Variants in CAMK1D observed in about 807,000 individuals in gnomAD.
CAMK1D encodes calcium/calmodulin-dependent protein kinase type 1D.
CAMK1D carries 9 observed loss-of-function variants against 47.7 expected under a neutral mutation model. The observed-to-expected ratio is 0.19, with a 90% CI of 0.11 to 0.33. CAMK1D has a LOEUF of 0.33. Ranked by LOEUF, CAMK1D falls within the 10% of genes least tolerant of loss-of-function variation. The pLI, the probability that CAMK1D is intolerant of heterozygous loss-of-function variation, is 1.00. For missense variants in CAMK1D, 291 were observed against 488.7 expected, an observed-to-expected ratio of 0.60 and a Z score of 3.81; for synonymous variants, 184 against 184.9, an observed-to-expected ratio of 0.99 and a Z score of 0.04.
intron 3 of CAMK1D, among the ~76,000 whole-genome samples, chr10:12,726,504 C>A (rs1834642451): frequency 6.6e-6 from 1 of 152,172 alleles, no homozygotes; most frequent in African/African-American, 2.4e-5. Context: ...ACATTGTCAA[C>A]TTTAATTAGA....
chr10:12,553,754 C>A (rs1359622810), intron 2 of CAMK1D, among the ~76,000 whole-genome samples: 1 of 152,200 alleles, frequency 6.6e-6, no homozygotes, highest in Non-Finnish European at 1.5e-5. Context: ...TTGTGAAGTG[C>A]TCACTGCAGC....
chr10:12,792,828 C>G (rs1226318193), intron 6 of CAMK1D, among the ~76,000 whole-genome samples: 2 of 152,336 alleles, frequency 1.3e-5, no homozygotes, highest in South Asian at 2.1e-4. Context: ...ATTGCACTTA[C>G]AGAATGCTTT....
chr10:12,357,724 G>A (rs1036079483), intron 1 of CAMK1D, among the ~76,000 whole-genome samples: 35 of 152,142 alleles, frequency 2.3e-4, no homozygotes, highest in African/African-American at 7.5e-4. Context: ...GGTCAATTCC[G>A]TGCTTATTTA....
At chr10:12,396,783 C>A (rs886403306) in intron 1 of CAMK1D, among the ~76,000 whole-genome samples, 16 of 152,152 alleles carry the variant, frequency 1.1e-4, no homozygotes, top group African/African-American at 3.9e-4. Context: ...GTAGGCTCCC[C>A]GTGGCCATGT....
intron 3 of CAMK1D, among the ~76,000 whole-genome samples, chr10:12,747,728 G>C (rs1252813471): frequency 6.6e-6 from 1 of 152,172 alleles, no homozygotes; most frequent in Non-Finnish European, 1.5e-5. Context: ...AGAGCTGATT[G>C]TATGAGTTTC....
At chr10:12,510,327 A>G (rs1185757174) in intron 1 of CAMK1D, among the ~76,000 whole-genome samples, 1 of 152,104 alleles carries the variant, frequency 6.6e-6, no homozygotes, top group Non-Finnish European at 1.5e-5. Flanking sequence ...GTGGCAGGAG[A>G]ATTGCTTGAA....
rs144666081 is a variant in CAMK1D at position 12,820,242 on chromosome 10, G to A, written c.833+3914G>A. ...TTTAGTAGAGATGGGGTTTCACCAT[G>A]TTGGCCAGGATGGTCTCGATCTCCT... On this transcript the variant is annotated intron_variant, in intron 8 of 10. Coordinates refer to ENST00000619168, the MANE Select transcript of CAMK1D (RefSeq NM_153498.4). Among the ~76,000 whole-genome samples, 224 of 152,330 alleles carry A rather than the reference G, an allele frequency of 1.5e-3. 4 individuals carry two copies. The East Asian group carries it at 0.03, about 21-fold the overall frequency.
chr10:12,408,942 C>T (rs962070108), intron 1 of CAMK1D, among the ~76,000 whole-genome samples: 1 of 151,238 alleles, frequency 6.6e-6, no homozygotes, highest in African/African-American at 2.4e-5. Context: ...CAACCTCCAC[C>T]TCCCGGATTC....
chr10:12,607,729 A>G lies in CAMK1D; in HGVS notation c.224+54373A>G, dbSNP rs1490895976. Among the ~76,000 whole-genome samples the G allele has an allele frequency of 1.3e-5, 2 of 152,046 alleles. 1 individual carries two copies. The highest frequency in any genetic ancestry group is 3.9e-4 in the East Asian group (2 of 5,130). On this transcript the variant is annotated intron_variant, in intron 2 of 10. Coordinates refer to ENST00000619168, the MANE Select transcript of CAMK1D (RefSeq NM_153498.4). ...TAATCCCAGCACTCTGGGAGGCCGC[A>G]GTGGGAGGATCACTTGAGATTAGGA... is the stretch of plus-strand genomic sequence containing the variant.
chr10:12,726,655 T>A (rs897880711), intron 3 of CAMK1D, among the ~76,000 whole-genome samples: 4 of 152,230 alleles, frequency 2.6e-5, no homozygotes, highest in Admixed American at 1.3e-4. Flanking sequence ...CAACGCTTTA[T>A]AGAATTCATT....
chr10:12,458,807 G>C (rs1242257914), intron 1 of CAMK1D, among the ~76,000 whole-genome samples: 2 of 151,686 alleles, frequency 1.3e-5, no homozygotes, highest in African/African-American at 4.8e-5. Context: ...ACAGCAGTCA[G>C]GATTACATTT....
intron 1 of CAMK1D, among the ~76,000 whole-genome samples, chr10:12,429,134 C>G (rs1840352306): frequency 6.6e-6 from 1 of 152,196 alleles, no homozygotes; most frequent in Non-Finnish European, 1.5e-5. Flanking sequence ...CATCGCCCAC[C>G]CCTGCCACTC....
In CAMK1D at chr10:12,674,308, G is replaced by C. The variant is rs558005138; in HGVS notation, c.299+7498G>C. Among the ~76,000 whole-genome samples, 5 of 152,272 alleles carry C rather than the reference G, an allele frequency of 3.3e-5. No individual in the cohort carries two copies. The East Asian group carries it at 9.6e-4, about 29-fold the overall frequency. On this transcript the variant is annotated intron_variant, in intron 3 of 10. Transcript: ENST00000619168. ...TTTATTTTGTTTTTGTTTGACTAAA[G>C]AGCTAAGAAAGTCTTTAGCTTCTAA... is the stretch of plus-strand genomic sequence containing the variant.
intron 1 of CAMK1D, among the ~76,000 whole-genome samples, chr10:12,448,191 A>G (rs781744510): frequency 2.9e-5 from 4 of 139,686 alleles, no homozygotes; most frequent in Non-Finnish European, 4.6e-5. Context: ...TTTTATTTTT[A>G]CTTATTTTTA....
At chr10:12,777,373 T>TTC (rs1471872248) in intron 5 of CAMK1D, among the ~76,000 whole-genome samples, 7 of 143,460 alleles carry the variant, frequency 4.9e-5, no homozygotes, top group African/African-American at 1.8e-4. Context: ...CTTTTTTTTT[T>TTC]TTTTTTTTTT....
At chr10:12,812,437 G>A (rs755549458) in intron 6 of CAMK1D, among the ~76,000 whole-genome samples, 5 of 152,076 alleles carry the variant, frequency 3.3e-5, no homozygotes, top group African/African-American at 9.7e-5. Context: ...CCAACATGGC[G>A]AAACTCCATC....
chr10:12,548,141 C>T (rs1285760813), intron 1 of CAMK1D, among the ~76,000 whole-genome samples: 1 of 152,174 alleles, frequency 6.6e-6, no homozygotes, highest in Non-Finnish European at 1.5e-5. Flanking sequence ...TGATGGGACT[C>T]AGTATCCTCA....
At chr10:12,405,562 A>C (rs902841591) in intron 1 of CAMK1D, among the ~76,000 whole-genome samples, 8 of 152,212 alleles carry the variant, frequency 5.3e-5, no homozygotes, top group African/African-American at 1.7e-4. Flanking sequence ...AGCACGTATA[A>C]ACAGATAGGA....
In CAMK1D at chr10:12,544,076, C is replaced by A. The variant is rs562314627; in HGVS notation, c.93-9149C>A. Among the ~76,000 whole-genome samples, 13 of 152,188 alleles carry A rather than the reference C, an allele frequency of 8.5e-5. No homozygotes were observed. In the East Asian group the frequency reaches 2.3e-3, roughly 27 times the overall value. On this transcript the variant is annotated intron_variant, in intron 1 of 10. Transcript: ENST00000619168. ...CTGGCTTACAATCAGGATGAGCTGC[C>A]TGTGGGTGATGATTTGATTTTCTTT...
Sources: gnomAD v4.1 joint callset for allele counts (sites outside exome capture counted in the v4.1 genomes callset) on GRCh38, gnomAD v4.1.1 for gene constraint, MANE v1.5 for transcripts, NCBI Gene and HGNC (gene_info 2026-07-23, HGNC 2026-07-21) for gene names.